Variants in GPHN observed in about 807,000 individuals in gnomAD.
GPHN encodes the protein gephyrin.
GPHN carries 17 observed loss-of-function variants against 95.5 expected under a neutral mutation model. The observed-to-expected ratio is 0.18, with a 90% CI of 0.12 to 0.27. GPHN has a LOEUF of 0.27. Ranked by LOEUF, GPHN falls within the 10% of genes least tolerant of loss-of-function variation. The pLI is 1.00. For synonymous variants in GPHN, 320 were observed against 322.5 expected, an observed-to-expected ratio of 0.99 and a Z score of 0.08; for missense variants, 660 against 978.1, an observed-to-expected ratio of 0.67 and a Z score of 4.34.
the GPHN span, among the ~76,000 whole-genome samples, chr14:67,711,084 GT>G: frequency 6.6e-6 from 1 of 152,184 alleles, no homozygotes; most frequent in Non-Finnish European, 1.5e-5. Context: ...TTAGTTTATA[GT>G]TTAGCTTTGA....
the GPHN span, chr14:67,270,084 G>C: frequency 6.6e-6 from 1 of 152,166 alleles, no homozygotes; most frequent in Non-Finnish European, 1.5e-5. Flanking sequence ...TTGGATTTCT[G>C]CTGACCTGTC....
In GPHN at chr14:67,096,450, T is replaced by G. The variant is rs139760194; in HGVS notation, c.1238-4406T>G. Among the ~76,000 whole-genome samples the G allele has an allele frequency of 4.6e-5, 7 of 152,276 alleles. No individual in the cohort carries two copies. In the South Asian group the frequency reaches 8.3e-4, roughly 18 times the overall value. ...AGCATTTTGAGTTTATGTGCATGTG[T>G]GGGGGAACAGGAGAAAAGAGAAATA... is the stretch of plus-strand genomic sequence containing the variant. On this transcript the variant is annotated intron_variant, in intron 12 of 22. Transcript: ENST00000478722.
At chr14:67,583,042 A>G in the GPHN span, among the ~76,000 whole-genome samples, 1 of 152,180 alleles carries the variant, frequency 6.6e-6, no homozygotes, top group Admixed American at 6.5e-5. Flanking sequence ...CATCTTGCCA[A>G]AGGTATCTGG....
chr14:67,143,326 T>G, intron 17 of GPHN, 36 bp from the exon 18 acceptor site: 3 of 1,334,970 alleles, frequency 2.2e-6, no homozygotes, highest in South Asian at 2.3e-5. Flanking sequence ...AATCTTTTCC[T>G]TGTGTGTTAA....
At chr14:67,584,210 C>T in the GPHN span, 2 of 1,387,566 alleles carry the variant, frequency 1.4e-6, no homozygotes, top group East Asian at 4.7e-5. Flanking sequence ...GCAGCCCCTA[C>T]CTCCATACCA....
chr14:67,288,956 T>C, the GPHN span, among the ~76,000 whole-genome samples: 3 of 138,528 alleles, frequency 2.2e-5, no homozygotes, highest in African/African-American at 5.2e-5. Flanking sequence ...TTTTATTTTC[T>C]TTATTTCCTT....
intron 10 of GPHN, among the ~76,000 whole-genome samples, chr14:67,028,249 T>G (rs1225414438): frequency 6.6e-6 from 1 of 152,240 alleles, no homozygotes; most frequent in African/African-American, 2.4e-5. Context: ...ATACCACATT[T>G]TCTTTATCCA....
At chr14:67,496,981 A>T in the GPHN span, among the ~76,000 whole-genome samples, 62 of 152,014 alleles carry the variant, frequency 4.1e-4, no homozygotes, top group East Asian at 0.012. Context: ...TATTTTTAGT[A>T]GAGATGGGGT....
chr14:66,834,448 G>C (rs2061708535), intron 4 of GPHN, among the ~76,000 whole-genome samples: 1 of 152,102 alleles, frequency 6.6e-6, no homozygotes, highest in South Asian at 2.1e-4. Flanking sequence ...CTAATTTATT[G>C]AGAGTTTTTA....
chr14:67,066,786 C>T (rs1792032265), intron 11 of GPHN, among the ~76,000 whole-genome samples: 1 of 152,112 alleles, frequency 6.6e-6, no homozygotes, highest in African/African-American at 2.4e-5. Context: ...CATCAGGTCA[C>T]TTAAGGTCTT....
chr14:66,788,802 G>T (rs746511808), intron 3 of GPHN, among the ~76,000 whole-genome samples: 1 of 151,920 alleles, frequency 6.6e-6, no homozygotes, highest in African/African-American at 2.4e-5. Flanking sequence ...AATTACAGGC[G>T]CCCGCCACCA....
At chr14:66,571,746 G>A (rs982898956) in intron 1 of GPHN, among the ~76,000 whole-genome samples, 6 of 152,084 alleles carry the variant, frequency 3.9e-5, no homozygotes, top group African/African-American at 1.4e-4. Flanking sequence ...GGGAGTCGGA[G>A]CTTACAGTGA....
intron 1 of GPHN, among the ~76,000 whole-genome samples, chr14:66,547,391 A>G (rs949074040): frequency 2.6e-5 from 4 of 152,236 alleles, no homozygotes; most frequent in African/African-American, 9.6e-5. Context: ...GATTAAAATA[A>G]GTAAAAGAGT....
chr14:67,538,743 A>G, the GPHN span, among the ~76,000 whole-genome samples: 1 of 152,132 alleles, frequency 6.6e-6, no homozygotes. Context: ...GCAACTTGCC[A>G]GGGAGAGGGT....
chr14:66,599,391 C>CCTTTTTTTTTT (rs1566679513), intron 1 of GPHN, among the ~76,000 whole-genome samples: 3 of 74,046 alleles, frequency 4.1e-5, no homozygotes, highest in Admixed American at 1.7e-4. Flanking sequence ...TTTTTTTTTG[C>CCTTTTTTTTTT]ATTTTTTTTT....
At chr14:66,685,468 T>C (rs1470305884) in intron 2 of GPHN, among the ~76,000 whole-genome samples, 1 of 152,234 alleles carries the variant, frequency 6.6e-6, no homozygotes, top group Non-Finnish European at 1.5e-5. Context: ...TGGTATCTCA[T>C]TGTGGTTTTG....
chr14:67,381,493 A>T, the GPHN span: 1 of 853,232 alleles, frequency 1.2e-6, no homozygotes, highest in Non-Finnish European at 1.9e-6. Flanking sequence ...ATTCAGTATA[A>T]GTATTTGAAT....
Position 67,138,916 on chromosome 14 carries a change from TA to T in GPHN, c.1749-4443del, listed in dbSNP as rs758989172. Among the ~76,000 whole-genome samples, 1,005 of 118,854 alleles carry T rather than the reference TA, an allele frequency of 8.5e-3. 13 individuals are homozygous for T. Among genetic ancestry groups the T allele is most frequent in the East Asian group, 0.013 (45 of 3,562 alleles). 78.0% of individuals were successfully genotyped at this position (118,854 alleles called of 152,430 possible). On this transcript the variant is annotated intron_variant, in intron 17 of 22. Coordinates refer to ENST00000478722, the MANE Select transcript of GPHN (RefSeq NM_020806.5). Reference sequence around the variant, plus strand: ...TTTTTTTTTTTTTTTTTTTTTTTTTTAAATTATTAAGAGACTAGGTCTAGGG... The same window carrying T: ...TTTTTTTTTTTTTTTTTTTTTTTTTTAATTATTAAGAGACTAGGTCTAGGG...
At chr14:67,383,508 T>G in the GPHN span, 1,169 of 1,592,910 alleles carry the variant, frequency 7.3e-4, 11 homozygotes, top group East Asian at 0.011. Flanking sequence ...ATCCTAGACT[T>G]GAAAGTTTTC....
Sources: gnomAD v4.1 joint callset for allele counts (sites outside exome capture counted in the v4.1 genomes callset) on GRCh38, gnomAD v4.1.1 for gene constraint, MANE v1.5 for transcripts, NCBI Gene and HGNC (gene_info 2026-07-23, HGNC 2026-07-21) for gene names.